The following ANKS1B variants were observed in gnomAD, a reference collection of about 807,000 sequenced individuals.
ANKS1B encodes the protein ankyrin repeat and sterile alpha motif domain containing 1B, also known as ankyrin repeat and sterile alpha motif domain-containing protein 1B.
A neutral mutation model predicts 148.3 loss-of-function variants in ANKS1B; 36 were observed. The ratio of observed to expected loss-of-function variants is 0.24; its 90% CI spans 0.19 to 0.32. The LOEUF is 0.32. Among genes scored for constraint, ANKS1B ranks in the 10% least tolerant of loss-of-function variants. The pLI, the probability that ANKS1B is intolerant of heterozygous loss-of-function variation, is 1.00. For synonymous variants in ANKS1B, 542 were observed against 560.8 expected (o/e 0.97, Z 0.47); for missense variants, 1,157 against 1,542.6 (o/e 0.75, Z 4.19).
intron 9 of ANKS1B, among the ~76,000 whole-genome samples, chr12:99,582,597 T>C (rs1035037943): frequency 1.3e-5 from 2 of 152,190 alleles, no homozygotes; most frequent in African/African-American, 4.8e-5. Flanking sequence ...GAATGCATAG[T>C]ATCTGGTTCT....
chr12:99,098,955 G>A (rs756574811), intron 15 of ANKS1B, among the ~76,000 whole-genome samples: 13 of 151,930 alleles, frequency 8.6e-5, no homozygotes, highest in African/African-American at 1.7e-4. Context: ...AAGGGACAAC[G>A]GAGCATGCGC....
At chr12:98,828,759 T>C (rs1250409451) in intron 19 of ANKS1B, among the ~76,000 whole-genome samples, 2 of 152,248 alleles carry the variant, frequency 1.3e-5, no homozygotes, top group Non-Finnish European at 2.9e-5. Context: ...TGTATGAATG[T>C]ATAGACTTGG....
intron 14 of ANKS1B, among the ~76,000 whole-genome samples, chr12:99,185,627 G>A (rs921064999): frequency 6.6e-6 from 1 of 152,172 alleles, no homozygotes. Flanking sequence ...CACCTCACCT[G>A]GAAGTGCAAG....
intron 10 of ANKS1B, among the ~76,000 whole-genome samples, chr12:99,474,484 C>T (rs1385535118): frequency 6.6e-6 from 1 of 151,866 alleles, no homozygotes; most frequent in Non-Finnish European, 1.5e-5. Flanking sequence ...CCAATAAAAA[C>T]CAAACATGGG....
In ANKS1B at chr12:98,744,828, T is replaced by C. The variant is rs912672087; in HGVS notation, c.*911A>G. ...TTTTTTAACATGTTCTTTAAAACACTGTGAAGATTAAAAAACAATCTTGGC... is the reference window on the plus strand; with the variant it reads ...TTTTTTAACATGTTCTTTAAAACACCGTGAAGATTAAAAAACAATCTTGGC... On this transcript the variant is annotated 3_prime_UTR_variant, in exon 27 of 27. Transcript: ENST00000683438. The C allele has an allele frequency of 3.0e-6, 3 of 985,300 alleles. No homozygotes were observed. Among genetic ancestry groups the C allele is most frequent in the South Asian group, 4.7e-5 (1 of 21,274 alleles). The allele number at this position is 985,300 out of a possible 1,614,324, so 61.0% of individuals were successfully genotyped here. A position where few individuals can be genotyped will look rare whatever the true frequency, so the allele number is the denominator to read the frequency against.
intron 8 of ANKS1B, among the ~76,000 whole-genome samples, chr12:99,735,507 C>T (rs1215688965): frequency 6.6e-6 from 1 of 151,808 alleles, no homozygotes. Flanking sequence ...AACTGGAAAA[C>T]CCAGAGGAAG....
chr12:99,467,860 T>C (rs1404942149), intron 10 of ANKS1B, among the ~76,000 whole-genome samples: 1 of 152,196 alleles, frequency 6.6e-6, no homozygotes, highest in Non-Finnish European at 1.5e-5. Context: ...AATGGCATAC[T>C]GCCCAAGGTA....
At chr12:99,742,635 C>T (rs1013429682) in intron 8 of ANKS1B, among the ~76,000 whole-genome samples, 2 of 151,778 alleles carry the variant, frequency 1.3e-5, no homozygotes, top group Non-Finnish European at 2.9e-5. Flanking sequence ...GAGTTCGAGA[C>T]CAGCCTGACC....
intron 8 of ANKS1B, among the ~76,000 whole-genome samples, chr12:99,759,928 G>C (rs1601594636): frequency 6.9e-6 from 1 of 145,472 alleles, no homozygotes; most frequent in South Asian, 2.4e-4. Flanking sequence ...ATTCAAGTTA[G>C]AGATTATAAA....
chr12:99,955,990 T>G (rs1478864505), intron 1 of ANKS1B, among the ~76,000 whole-genome samples: 1 of 152,048 alleles, frequency 6.6e-6, no homozygotes, highest in Non-Finnish European at 1.5e-5. Flanking sequence ...GTACATGGGA[T>G]GAGGCTGGGT....
chr12:99,164,368 T>C (rs770109916), intron 14 of ANKS1B, among the ~76,000 whole-genome samples: 8 of 152,150 alleles, frequency 5.3e-5, no homozygotes, highest in Admixed American at 2.0e-4. Flanking sequence ...ATGACAATCA[T>C]GCTTGATTTT....
chr12:99,835,267 A>C lies in ANKS1B; in HGVS notation c.135-9878T>G, dbSNP rs868694358. ...TCTCTACAAAAAAAAAAAAAAAAAA[A>C]CACAAAAAGAAAAATTAGCCAGGCA... On this transcript the variant is annotated intron_variant, in intron 1 of 26. Coordinates refer to ENST00000683438, the MANE Select transcript of ANKS1B (RefSeq NM_001352186.2). Among the ~76,000 whole-genome samples, 1,097 of 147,128 alleles carry C rather than the reference A, an allele frequency of 7.5e-3. 16 individuals are homozygous for C. Among genetic ancestry groups the C allele is most frequent in the African/African-American group, 0.026 (1,031 of 39,780 alleles).
intron 9 of ANKS1B, among the ~76,000 whole-genome samples, chr12:99,641,125 A>G (rs1567541974): frequency 6.6e-6 from 1 of 152,334 alleles, no homozygotes; most frequent in Non-Finnish European, 1.5e-5. Context: ...TATACTATAC[A>G]TACTGCCAAT....
chr12:99,154,852 C>T (rs1355006680), intron 14 of ANKS1B: 1 of 1,531,716 alleles, frequency 6.5e-7, no homozygotes, highest in African/African-American at 1.4e-5. Context: ...CCCTCGCTCG[C>T]TCCCCTTCAT....
chr12:99,679,970 C>T (rs1005080511), intron 8 of ANKS1B, among the ~76,000 whole-genome samples: 2 of 152,132 alleles, frequency 1.3e-5, no homozygotes, highest in Non-Finnish European at 2.9e-5. Flanking sequence ...GAAAGAAGCA[C>T]CTTGTTACTG....
At chr12:99,134,074 A>G (rs1436750313) in intron 15 of ANKS1B, among the ~76,000 whole-genome samples, 3 of 152,168 alleles carry the variant, frequency 2.0e-5, no homozygotes, top group Non-Finnish European at 4.4e-5. Context: ...CTAGGGAAGA[A>G]ATATCTGGAA....
At chr12:98,773,237 A>G (rs1566306137) in intron 24 of ANKS1B, 58 bp from the exon 25 acceptor site, 19 of 1,530,602 alleles carry the variant, frequency 1.2e-5, no homozygotes, top group Non-Finnish European at 1.7e-5. Flanking sequence ...ATATATGACA[A>G]CCAAGACAAG....
chr12:99,813,709 T>C (rs1243435015), intron 2 of ANKS1B, among the ~76,000 whole-genome samples: 1 of 151,764 alleles, frequency 6.6e-6, no homozygotes, highest in Non-Finnish European at 1.5e-5. Flanking sequence ...GAATATGTTG[T>C]AGAAATATTT....
At chr12:99,914,054 C>T (rs1393195168) in intron 1 of ANKS1B, among the ~76,000 whole-genome samples, 3 of 152,140 alleles carry the variant, frequency 2.0e-5, no homozygotes, top group African/African-American at 7.2e-5. Context: ...CAGCTTCCCA[C>T]CTAAAGGACC....
Sources: gnomAD v4.1 joint callset for allele counts (sites outside exome capture counted in the v4.1 genomes callset) on GRCh38, gnomAD v4.1.1 for gene constraint, MANE v1.5 for transcripts, NCBI Gene and HGNC (gene_info 2026-07-23, HGNC 2026-07-21) for gene names.